Variants in PIGK observed in about 807,000 individuals in gnomAD.
PIGK encodes the protein GPI-anchor transamidase.
A neutral mutation model predicts 50.6 loss-of-function variants in PIGK; 42 were observed. The observed-to-expected ratio is 0.83, with a 90% CI of 0.65 to 1.07. The LOEUF is 1.07. Among genes scored for constraint, PIGK ranks in the 50% least tolerant of loss-of-function variants. PIGK has a pLI of 0.00. For missense variants in PIGK, 448 were observed against 488.7 expected (o/e 0.92, Z 0.78); for synonymous variants, 151 against 156.0 (o/e 0.97, Z 0.24).
chr1:77,175,844 A>G (rs1011566880), intron 3 of PIGK, among the ~76,000 whole-genome samples: 10 of 152,144 alleles, frequency 6.6e-5, no homozygotes, highest in Admixed American at 1.3e-4. Context: ...AAAGAGTTAT[A>G]AAAGGTTTGT....
At chr1:77,111,663 C>T (rs1653847638) in intron 10 of PIGK, among the ~76,000 whole-genome samples, 1 of 151,338 alleles carries the variant, frequency 6.6e-6, no homozygotes, top group Non-Finnish European at 1.5e-5. Flanking sequence ...TGCTAAATAA[C>T]GAGTTAATGG....
intron 3 of PIGK, among the ~76,000 whole-genome samples, chr1:77,170,863 A>G (rs905915653): frequency 6.6e-6 from 1 of 152,190 alleles, no homozygotes; most frequent in African/African-American, 2.4e-5. Flanking sequence ...GTTCTGCTAC[A>G]TATGTTCCAA....
intron 9 of PIGK, chr1:77,129,307 G>A: frequency 6.3e-7 from 1 of 1,597,168 alleles, no homozygotes; most frequent in Non-Finnish European, 8.6e-7. Context: ...CGTTACAATG[G>A]TGGAGTTGGC....
intron 10 of PIGK, among the ~76,000 whole-genome samples, chr1:77,116,589 TGTGTGTGC>T (rs71765274): frequency 0.081 from 5,801 of 71,218 alleles, 162 homozygotes; most frequent in East Asian, 0.3. Context: ...TGTGTGTGTG[TGTGTGTGC>T]GCGTGTGTGT....
At chr1:77,113,692 TG>T (rs1156364293) in intron 10 of PIGK, among the ~76,000 whole-genome samples, 1 of 152,140 alleles carries the variant, frequency 6.6e-6, no homozygotes, top group Non-Finnish European at 1.5e-5. Context: ...GCGTTATGAA[TG>T]GTGGCTAGAT....
At chr1:77,187,181 C>G (rs1655770517) in intron 3 of PIGK, among the ~76,000 whole-genome samples, 1 of 152,118 alleles carries the variant, frequency 6.6e-6, no homozygotes, top group Non-Finnish European at 1.5e-5. Context: ...ATTGATAGAA[C>G]AGTGGAATGG....
At chr1:77,215,326 C>T (rs945826764) in intron 1 of PIGK, among the ~76,000 whole-genome samples, 1 of 152,072 alleles carries the variant, frequency 6.6e-6, no homozygotes, top group Non-Finnish European at 1.5e-5. Context: ...AAAAAATGCT[C>T]AATATCACTA....
chr1:77,164,169 T>C (rs1040186462), intron 5 of PIGK, among the ~76,000 whole-genome samples: 1 of 152,198 alleles, frequency 6.6e-6, no homozygotes, highest in Non-Finnish European at 1.5e-5. Context: ...GTTTCTAATA[T>C]TCAATTACAG....
chr1:77,146,684 C>T (rs915937157), intron 9 of PIGK, among the ~76,000 whole-genome samples: 1 of 152,074 alleles, frequency 6.6e-6, no homozygotes, highest in Non-Finnish European at 1.5e-5. Flanking sequence ...GTAGTCCCAG[C>T]TACTCAGGAG....
chr1:77,203,323 C>T (rs72683935), intron 3 of PIGK, among the ~76,000 whole-genome samples: 5,650 of 152,072 alleles, frequency 0.037, 204 homozygotes, highest in South Asian at 0.21. Flanking sequence ...GGATTTAGTC[C>T]AAAACAATTA....
chr1:77,090,915 CACAGTCAATCCTTTGCCTTTTG>C lies in PIGK; in HGVS notation c.*1437_*1458del, dbSNP rs1653282753. 6.6e-6 allele frequency: 1 copy of C among 152,136 alleles called. No individual in the cohort carries two copies. The highest frequency in any genetic ancestry group is 2.1e-4 in the South Asian group (1 of 4,828). The allele number at this position is 152,136 out of a possible 1,614,324, so 9.4% of individuals were successfully genotyped here. A position where few individuals can be genotyped will look rare whatever the true frequency, so the allele number is the denominator to read the frequency against. ...TCATTTGTTCTAACTAGGGAGATAA[CACAGTCAATCCTTTGCCTTTTG>C]AAAAGTATGACAATCTTGCATGCAA... On this transcript the variant is annotated 3_prime_UTR_variant, in exon 11 of 11. Coordinates refer to ENST00000370812, the MANE Select transcript of PIGK (RefSeq NM_005482.3).
At chr1:77,123,387 A>C (rs1018978947) in intron 9 of PIGK, among the ~76,000 whole-genome samples, 2 of 152,182 alleles carry the variant, frequency 1.3e-5, no homozygotes, top group Non-Finnish European at 2.9e-5. Flanking sequence ...TCTAATGAGA[A>C]CTCTAGAATC....
chr1:77,216,469 G>A (rs1249927758), intron 1 of PIGK, among the ~76,000 whole-genome samples: 3 of 152,070 alleles, frequency 2.0e-5, no homozygotes, highest in Non-Finnish European at 4.4e-5. Flanking sequence ...AAATTACTAT[G>A]GCTAGGATAA....
chr1:77,211,140 G>A (rs1656410121), intron 1 of PIGK, among the ~76,000 whole-genome samples: 1 of 151,882 alleles, frequency 6.6e-6, no homozygotes, highest in Non-Finnish European at 1.5e-5. Flanking sequence ...TATTTATTAT[G>A]TGTATTAATC....
chr1:77,128,394 A>G (rs889436876), intron 9 of PIGK, among the ~76,000 whole-genome samples: 2 of 152,210 alleles, frequency 1.3e-5, no homozygotes, highest in Non-Finnish European at 2.9e-5. Flanking sequence ...CCAATGTAGT[A>G]TAAAAATGCA....
At chr1:77,136,536 C>CAAAAAAA (rs778130093) in intron 9 of PIGK, among the ~76,000 whole-genome samples, 8 of 63,658 alleles carry the variant, frequency 1.3e-4, no homozygotes, top group African/African-American at 3.7e-4. Context: ...GACTCCGTCT[C>CAAAAAAA]AAAAAAAAAA....
At chr1:77,181,433 C>G (rs549408873) in intron 3 of PIGK, among the ~76,000 whole-genome samples, 1 of 152,050 alleles carries the variant, frequency 6.6e-6, no homozygotes, top group African/African-American at 2.4e-5. Context: ...AAAATTTTCA[C>G]GGAATGAAAT....
intron 2 of PIGK, among the ~76,000 whole-genome samples, chr1:77,208,985 T>C (rs2100587493): frequency 6.6e-6 from 1 of 152,284 alleles, no homozygotes; most frequent in African/African-American, 2.4e-5. Flanking sequence ...AATTCCTCTA[T>C]CCATCTCCTT....
intron 1 of PIGK, 87 bp downstream of exon 1, chr1:77,219,223 G>A: frequency 9.1e-7 from 1 of 1,094,194 alleles, no homozygotes; most frequent in South Asian, 1.3e-5. Flanking sequence ...GACTCCAGGA[G>A]GCGTCCCTCA....
Sources: gnomAD v4.1 joint callset for allele counts (sites outside exome capture counted in the v4.1 genomes callset) on GRCh38, gnomAD v4.1.1 for gene constraint, MANE v1.5 for transcripts, NCBI Gene and HGNC (gene_info 2026-07-23, HGNC 2026-07-21) for gene names.